Variants in CNOT3 observed in about 807,000 individuals in gnomAD.
The protein encoded by CNOT3 is CCR4-NOT transcription complex subunit 3, also known as CCR4-associated factor 3.
A neutral mutation model predicts 89.4 loss-of-function variants in CNOT3; 2 were observed. The observed-to-expected ratio is 0.02, with a 90% confidence interval of 0.01 to 0.07. The LOEUF is 0.07. Among genes scored for constraint, CNOT3 ranks in the 10% least tolerant of loss-of-function variants. The probability of loss-of-function intolerance (pLI) is 1.00; values close to 1 mark genes in which losing one functional copy is unlikely to be tolerated. For synonymous variants in CNOT3, 486 were observed against 402.0 expected, an observed-to-expected ratio of 1.21 and a Z score of -2.50; for missense variants, 664 against 1,010.2, an observed-to-expected ratio of 0.66 and a Z score of 4.65.
rs2075150198 is a variant in CNOT3 at position 54,152,130 on chromosome 19, C to A, written c.1606-96C>A. ...GTGGGTCGTTGGCCCTCCACGGCCC[C>A]CAAACAGGGCAGGTGAGAGCATCTG... On this transcript the variant is annotated intron_variant, in intron 13 of 17. Coordinates refer to ENST00000221232, the MANE Select transcript of CNOT3 (RefSeq NM_014516.4). 4 of 1,362,740 alleles carry A rather than the reference C, an allele frequency of 2.9e-6. No individual in the cohort carries two copies. The Admixed American group carries it at 7.5e-5, about 26-fold the overall frequency. 84.4% of individuals were successfully genotyped at this position (1,362,740 alleles called of 1,614,324 possible). A position where few individuals can be genotyped will look rare whatever the true frequency, so the allele number is the denominator to read the frequency against.
chr19:54,138,175 C>T (rs955780094), intron 1 of CNOT3, among the ~76,000 whole-genome samples, 182 bp downstream of exon 1: 56 of 151,992 alleles, frequency 3.7e-4, no homozygotes, highest in Non-Finnish European at 5.7e-4. Context: ...CGGCTCCCTC[C>T]CTCTCGCCCT....
At chr19:54,147,659 C>T (rs1208475680) in intron 10 of CNOT3, among the ~76,000 whole-genome samples, 2 of 152,230 alleles carry the variant, frequency 1.3e-5, no homozygotes, top group Non-Finnish European at 2.9e-5. Flanking sequence ...CCTCCCACCA[C>T]TTTCTGGAGT....
chr19:54,149,611 C>T lies in CNOT3; in HGVS notation c.1458C>T (p.Gly486=), dbSNP rs1192261272. ...APTGAGGVAP[G]SGNNSGGPSL... ...CGGGGGCTGGGGGCGTGGCCCCAGG[C>T]TCAGGGAACAACTCAGGGGGACCCA... Residue 486 remains glycine (G), a synonymous_variant, in exon 13 of 18, where the codon GGC becomes GGT. Coordinates refer to ENST00000221232, the MANE Select transcript of CNOT3 (RefSeq NM_014516.4). 1 of 1,612,634 alleles carries T rather than the reference C, an allele frequency of 6.2e-7. No individual in the cohort carries two copies. The highest frequency in any genetic ancestry group is 8.5e-7 in the Non-Finnish European group (1 of 1,179,196).
chr19:54,145,746 T>C lies in CNOT3; in HGVS notation c.632T>C (p.Val211Ala), dbSNP rs772094308. Reference protein sequence around the residue: ...RKIKDDVEYYVDSSQDPDFEE... With the variant: ...RKIKDDVEYYADSSQDPDFEE... Reference sequence around the variant, plus strand: ...ATCAAGGACGACGTTGAGTACTATGTTGACTCATCCCAGGACCCCGACTTC... The same window carrying C: ...ATCAAGGACGACGTTGAGTACTATGCTGACTCATCCCAGGACCCCGACTTC... Residue 211 changes from valine (V) to alanine (A), a missense_variant, in exon 8 of 18, where the codon GTT becomes GCT. Val to Ala is a moderately conservative substitution (Grantham distance 64). Coordinates refer to ENST00000221232, the MANE Select transcript of CNOT3 (RefSeq NM_014516.4). The surrounding 1 kb of genome is among the most constrained non-coding windows in gnomAD (Gnocchi z 5.9). 2 of 1,613,648 alleles carry C rather than the reference T, an allele frequency of 1.2e-6. No individual in the cohort carries two copies. Among genetic ancestry groups the C allele is most frequent in the Non-Finnish European group, 1.7e-6 (2 of 1,179,530 alleles).
Position 54,148,429 on chromosome 19 carries a change from C to A in CNOT3, c.1176C>A (p.Ser392Arg). The change falls in exon 11 of 18, where the codon AGC becomes AGA. Residue 392 changes from serine to arginine, a missense_variant. Physicochemically the swap from Ser to Arg is moderately radical, Grantham distance 110. This residue lies in a region of CNOT3 where 545 missense variants were observed against 566.2 expected (regional missense o/e 0.96). Coordinates refer to ENST00000221232, the MANE Select transcript of CNOT3 (RefSeq NM_014516.4). The surrounding 1 kb of genome is among the most constrained non-coding windows in gnomAD (Gnocchi z 6.3). ...GPSTTQPRPP[S>R]VQPSGGGGGG... ...GCACGACCCAGCCCCGGCCCCCCAG[C>A]GTCCAGCCTAGCGGAGGCGGAGGCG... is the stretch of plus-strand genomic sequence containing the variant. The A allele has an allele frequency of 6.4e-7, 1 of 1,564,042 alleles. No individual in the cohort carries two copies.
intron 1 of CNOT3, chr19:54,142,149 CTCTTA>C (rs1306459719): frequency 2.6e-5 from 4 of 152,198 alleles, no homozygotes; most frequent in Non-Finnish European, 4.4e-5. Flanking sequence ...CCTTTGCACC[CTCTTA>C]TCTTAGTAAG....
At chr19:54,147,396 A>C (rs1208853823) in intron 10 of CNOT3, among the ~76,000 whole-genome samples, 2 of 152,192 alleles carry the variant, frequency 1.3e-5, no homozygotes, top group Non-Finnish European at 1.5e-5. Flanking sequence ...GGCGGGCAAC[A>C]GGGCCAGGAG....
chr19:54,143,961 C>T, intron 5 of CNOT3, 45 bp from the exon 6 acceptor site: 1 of 1,581,850 alleles, frequency 6.3e-7, no homozygotes, highest in Non-Finnish European at 8.5e-7. Context: ...TAGTCAGCTC[C>T]TTTCCCACCT....
intron 10 of CNOT3, among the ~76,000 whole-genome samples, chr19:54,147,836 A>G (rs1195025406): frequency 6.6e-6 from 1 of 152,202 alleles, no homozygotes; most frequent in East Asian, 1.9e-4. Flanking sequence ...TCTGGCTTCC[A>G]ACAGATGGAT....
rs570982208 is a variant in CNOT3 at position 54,153,473 on chromosome 19, A to G, written c.2038-242A>G. On this transcript the variant is annotated intron_variant, in intron 16 of 17. Coordinates refer to ENST00000221232, the MANE Select transcript of CNOT3 (RefSeq NM_014516.4). The stretch of plus-strand genomic sequence containing the variant: ...CCTCCTCTCTCAGCTCTCATCACAC[A>G]TTAGTTTTTCTTCCTTCTCAAAGCT... 55 of 774,834 alleles carry G rather than the reference A, an allele frequency of 7.1e-5. 1 individual carries two copies. Among genetic ancestry groups the G allele is most frequent in the South Asian group, 6.5e-4 (48 of 73,736 alleles). 48.0% of individuals were successfully genotyped at this position (774,834 alleles called of 1,614,324 possible).
At chr19:54,149,477 C>T (rs1239984673) in intron 12 of CNOT3, 83 bp from the exon 13 acceptor site, 6 of 806,944 alleles carry the variant, frequency 7.4e-6, no homozygotes, top group Admixed American at 5.6e-5. Flanking sequence ...TGTGCAGTCT[C>T]CCCTCTCTCC....
Position 54,148,646 on chromosome 19 carries a change from C to T in CNOT3, c.1309C>T (p.Pro437Ser), listed in dbSNP as rs1280903595. 2.5e-6 allele frequency: 4 copies of T among 1,610,408 alleles called. No homozygotes were observed. The highest frequency in any genetic ancestry group is 1.3e-5 in the African/African-American group (1 of 74,864). ...TTACAGCTCAGTTGTGGCAGACAGC[C>T]CGGCAGAGGTGGCTTTGAGCAGCAG... is the stretch of plus-strand genomic sequence containing the variant. ...TSYSSVVADSPAEVALSSSGG... is the reference protein window; with the variant it reads ...TSYSSVVADSSAEVALSSSGG... The change falls in exon 12 of 18, where the codon CCG (proline) becomes TCG (serine). Residue 437 changes from proline (P) to serine (S), a missense_variant. Transcript: ENST00000221232. The surrounding 1 kb of genome is among the most constrained non-coding windows in gnomAD (Gnocchi z 6.3).
chr19:54,151,071 G>T (rs1414869043), intron 13 of CNOT3, among the ~76,000 whole-genome samples: 1 of 152,182 alleles, frequency 6.6e-6, no homozygotes, highest in African/African-American at 2.4e-5. Context: ...GATTACAGGT[G>T]TGAGCCACCG....
chr19:54,152,888 C>T lies in CNOT3; in HGVS notation c.1926C>T (p.Pro642=). The change falls in exon 16 of 18, where the codon CCC becomes CCT. Residue 642 remains proline (P), a synonymous_variant. Transcript: ENST00000221232. The part of the protein sequence containing the change: ...ERIRQYLPRN[P]CPTPPYHHQM... Reference sequence around the variant, plus strand: ...ACAGGCAGTACCTCCCCCGGAACCCCTGTCCGACGCCCCCCTACCACCACC... The same window carrying T: ...ACAGGCAGTACCTCCCCCGGAACCCTTGTCCGACGCCCCCCTACCACCACC... 1 of 1,522,096 alleles carries T rather than the reference C, an allele frequency of 6.6e-7. No individual in the cohort carries two copies. The highest frequency in any genetic ancestry group is 1.4e-5 in the African/African-American group (1 of 72,640). The allele number at this position is 1,522,096 out of a possible 1,614,324, so 94.3% of individuals were successfully genotyped here.
At chr19:54,153,672 T>A in intron 16 of CNOT3, 43 bp from the exon 17 acceptor site, 1 of 1,569,312 alleles carries the variant, frequency 6.4e-7, no homozygotes, top group Non-Finnish European at 8.8e-7. Context: ...CCCCACCCAG[T>A]TTGGGGGCCC....
At position 54,155,646 on chromosome 19, in the gene CNOT3, T is replaced by G; in HGVS notation, c.*239T>G. ...CATTTTTTGGTAAACCTATTTTCATTTTGGAAAATATTTATGAATAAATAG... is the reference window on the plus strand; with the variant it reads ...CATTTTTTGGTAAACCTATTTTCATGTTGGAAAATATTTATGAATAAATAG... On this transcript the variant is annotated 3_prime_UTR_variant, in exon 18 of 18. Coordinates refer to ENST00000221232, the MANE Select transcript of CNOT3 (RefSeq NM_014516.4). 2.2e-6 allele frequency: 3 copies of G among 1,379,902 alleles called. No individual in the cohort carries two copies. Among genetic ancestry groups the G allele is most frequent in the Non-Finnish European group, 3.0e-6 (3 of 1,015,344 alleles). The allele number at this position is 1,379,902 out of a possible 1,614,324, so 85.5% of individuals were successfully genotyped here.
chr19:54,138,995 C>T (rs1203819928), intron 1 of CNOT3, among the ~76,000 whole-genome samples: 1 of 152,180 alleles, frequency 6.6e-6, no homozygotes, highest in South Asian at 2.1e-4. Flanking sequence ...GATATCAGGA[C>T]CACTGTGGTC....
At position 54,152,912 on chromosome 19, in the gene CNOT3, C is replaced by T. The variant is rs1169561292; in HGVS notation, c.1950C>T (p.His650=). The T allele has an allele frequency of 6.3e-7, 1 of 1,595,542 alleles. No individual in the cohort carries two copies. Among genetic ancestry groups the T allele is most frequent in the South Asian group, 1.1e-5 (1 of 89,430 alleles). ...CCTGTCCGACGCCCCCCTACCACCA[C>T]CAGATGCCACCCCCACACTCGGACA... ...RNPCPTPPYH[H]QMPPPHSDTV... The change falls in exon 16 of 18, where the codon CAC becomes CAT. Residue 650 remains histidine (H), a synonymous_variant. Transcript: ENST00000221232.
chr19:54,145,535 G>T lies in CNOT3; in HGVS notation c.484-63G>T. 1 of 1,136,660 alleles carries T rather than the reference G, an allele frequency of 8.8e-7. No individual in the cohort carries two copies. Among genetic ancestry groups the T allele is most frequent in the Non-Finnish European group, 1.3e-6 (1 of 756,644 alleles). The allele number at this position is 1,136,660 out of a possible 1,614,324, so 70.4% of individuals were successfully genotyped here. On this transcript the variant is annotated intron_variant, in intron 7 of 17. Coordinates refer to ENST00000221232, the MANE Select transcript of CNOT3 (RefSeq NM_014516.4). The surrounding 1 kb of genome is among the most constrained non-coding windows in gnomAD (Gnocchi z 5.9). Reference sequence around the variant, plus strand: ...TCAGGGACTGAGGACAGGTTCTGTGGGGGCAGGAGGGGCCAAGCAGGTGCT... The same window carrying T: ...TCAGGGACTGAGGACAGGTTCTGTGTGGGCAGGAGGGGCCAAGCAGGTGCT...
Sources: allele counts gnomAD v4.1 joint callset (sites outside exome capture counted in the v4.1 genomes callset), GRCh38; gene constraint gnomAD v4.1.1; regional missense constraint gnomAD v4.1.1; non-coding constraint Gnocchi (gnomAD v3.1); transcripts MANE v1.5; gene names NCBI Gene and HGNC (gene_info 2026-07-23, HGNC 2026-07-21).